The following SORBS2 variants were observed in gnomAD, a reference collection of about 807,000 sequenced individuals.
SORBS2 encodes the protein sorbin and SH3 domain-containing protein 2.
Under a neutral mutation model 97.7 loss-of-function variants are expected in SORBS2, and 46 were observed. The observed-to-expected ratio is 0.47, with a 90% CI of 0.37 to 0.60. SORBS2 has a LOEUF of 0.60. Ranked by LOEUF, SORBS2 falls within the 20% of genes least tolerant of loss-of-function variation. The pLI, the probability that SORBS2 is intolerant of heterozygous loss-of-function variation, is 0.00. For synonymous variants in SORBS2, 476 were observed against 473.4 expected (o/e 1.01, Z -0.07); for missense variants, 1,316 against 1,282.3 (o/e 1.03, Z -0.40).
chr4:185,884,374 T>C (rs1231887156), intron 1 of SORBS2, among the ~76,000 whole-genome samples: 1 of 152,218 alleles, frequency 6.6e-6, no homozygotes, highest in East Asian at 1.9e-4. Context: ...AGTAGGGTGA[T>C]TGGGACTTTG....
chr4:185,886,240 G>T (rs971641947), intron 1 of SORBS2, among the ~76,000 whole-genome samples: 2 of 152,070 alleles, frequency 1.3e-5, no homozygotes, highest in African/African-American at 4.8e-5. Context: ...AAAGGCTAAG[G>T]TGTTCTAGGC....
At chr4:185,624,479 T>C in exon 7 of SORBS2, 1 of 1,604,908 alleles carries the variant, frequency 6.2e-7, no homozygotes, top group Non-Finnish European at 8.5e-7. Flanking sequence ...TGGACATATT[T>C]TGCTATCATC....
chr4:185,917,051 T>C (rs2099258546), intron 1 of SORBS2, among the ~76,000 whole-genome samples: 1 of 152,148 alleles, frequency 6.6e-6, no homozygotes. Context: ...AATGGTTTAA[T>C]TAATCACGCC....
chr4:185,738,722 G>C (rs1361684220), intron 2 of SORBS2, among the ~76,000 whole-genome samples: 1 of 152,136 alleles, frequency 6.6e-6, no homozygotes, highest in African/African-American at 2.4e-5. Flanking sequence ...TCTAAGGGAG[G>C]AGTCTTAATA....
intron 5 of SORBS2, among the ~76,000 whole-genome samples, chr4:185,629,943 C>T (rs542235660): frequency 6.6e-6 from 1 of 152,258 alleles, no homozygotes; most frequent in South Asian, 2.1e-4. Flanking sequence ...GAAGTTAGGC[C>T]TAGCGGTGAC....
intron 2 of SORBS2, among the ~76,000 whole-genome samples, chr4:185,768,718 A>C (rs201145512): frequency 0.014 from 2,013 of 144,236 alleles, 70 homozygotes; most frequent in East Asian, 0.054. Flanking sequence ...AAAACAAAAA[A>C]ACAAAAAAAA....
At chr4:185,735,787 T>A (rs560580826) in intron 2 of SORBS2, among the ~76,000 whole-genome samples, 2 of 152,274 alleles carry the variant, frequency 1.3e-5, no homozygotes, top group South Asian at 4.2e-4. Flanking sequence ...ATAACTAAAA[T>A]TCTATACATG....
chr4:185,754,876 C>T (rs2098821736), intron 2 of SORBS2, among the ~76,000 whole-genome samples: 18 of 152,190 alleles, frequency 1.2e-4, no homozygotes, highest in Admixed American at 1.2e-3. Flanking sequence ...AAGGGCAATA[C>T]ATCACTTCTA....
At chr4:185,889,511 C>T (rs1252684073) in intron 1 of SORBS2, among the ~76,000 whole-genome samples, 1 of 152,076 alleles carries the variant, frequency 6.6e-6, no homozygotes. Context: ...GGACATGATG[C>T]TGTTGCACCT....
At chr4:185,920,388 T>G (rs1479514841) in intron 1 of SORBS2, among the ~76,000 whole-genome samples, 1 of 152,212 alleles carries the variant, frequency 6.6e-6, no homozygotes, top group Non-Finnish European at 1.5e-5. Flanking sequence ...ATTACACATC[T>G]CCTCTGGCTG....
intron 4 of SORBS2, among the ~76,000 whole-genome samples, chr4:185,634,996 C>A (rs1259850751): frequency 1.3e-5 from 2 of 152,184 alleles, no homozygotes; most frequent in African/African-American, 4.8e-5. Flanking sequence ...TAGAATGGTT[C>A]TAAGAAGCCT....
In SORBS2 at chr4:185,793,314, A is replaced by G. The variant is rs573656745; in HGVS notation, c.-337-17948T>C. Among the ~76,000 whole-genome samples, 6 of 152,304 alleles carry G rather than the reference A, an allele frequency of 3.9e-5. No individual in the cohort carries two copies. In the South Asian group the frequency reaches 1.0e-3, roughly 26 times the overall value. On this transcript the variant is annotated intron_variant, in intron 1 of 20. Transcript: ENST00000284776. ...GTGGCAGGATGGCTGTTCTTTGGGA[A>G]TAAGGTCTTTAGAAAACAGTGAGCT...
At chr4:185,601,254 G>A (rs2096255456) in intron 12 of SORBS2, among the ~76,000 whole-genome samples, 1 of 152,186 alleles carries the variant, frequency 6.6e-6, no homozygotes, top group Non-Finnish European at 1.5e-5. Context: ...CAGTAATGGG[G>A]CCAGGCTGTT....
intron 1 of SORBS2, among the ~76,000 whole-genome samples, chr4:185,910,650 C>T (rs1256624967): frequency 6.6e-6 from 1 of 152,026 alleles, no homozygotes; most frequent in Admixed American, 6.5e-5. Flanking sequence ...TTAGCTCAAC[C>T]TCCTCCCACC....
chr4:185,633,206 G>A (rs1426073020), intron 4 of SORBS2, among the ~76,000 whole-genome samples: 1 of 152,052 alleles, frequency 6.6e-6, no homozygotes, highest in African/African-American at 2.4e-5. Context: ...GTTATTCATG[G>A]TATATACCAG....
At chr4:185,799,261 G>A (rs1380003340) in intron 1 of SORBS2, among the ~76,000 whole-genome samples, 1 of 152,112 alleles carries the variant, frequency 6.6e-6, no homozygotes, top group East Asian at 1.9e-4. Context: ...ATAAGCATGA[G>A]ATTCACTTAA....
At chr4:185,614,786 G>GAACAAACAAACAAA in intron 11 of SORBS2, 45 bp downstream of exon 23, 1 of 1,606,814 alleles carries the variant, frequency 6.2e-7, no homozygotes, top group East Asian at 2.2e-5. Flanking sequence ...ACCCACTGAA[G>GAACAAACAAACAAA]AACAAACAAA....
intron 2 of SORBS2, chr4:185,757,077 G>T: frequency 1.5e-6 from 1 of 677,212 alleles, no homozygotes; most frequent in Non-Finnish European, 2.8e-6. Flanking sequence ...TTCACTTTGG[G>T]ATGGTTTTCC....
At chr4:185,652,006 G>A (rs533142526) in intron 2 of SORBS2, among the ~76,000 whole-genome samples, 178 bp from the exon 11 acceptor site, 14 of 151,056 alleles carry the variant, frequency 9.3e-5, no homozygotes, top group African/African-American at 2.7e-4. Flanking sequence ...TTACCCTGTC[G>A]TCCAGTCTGG....
Sources: gnomAD v4.1 joint callset for allele counts (sites outside exome capture counted in the v4.1 genomes callset) on GRCh38, gnomAD v4.1.1 for gene constraint, MANE v1.5 for transcripts, NCBI Gene and HGNC (gene_info 2026-07-23, HGNC 2026-07-21) for gene names.